KALRN: variants seen among roughly 807,000 people sequenced by gnomAD.
KALRN encodes kalirin.
A neutral mutation model predicts 353.7 loss-of-function variants in KALRN; 70 were observed. The ratio of observed to expected loss-of-function variants is 0.20; its 90% CI spans 0.16 to 0.24. KALRN has a LOEUF of 0.24. Ranked by LOEUF, KALRN falls within the 10% of genes least tolerant of loss-of-function variation. The probability of loss-of-function intolerance (pLI) is 1.00; values close to 1 mark genes in which losing one functional copy is unlikely to be tolerated. For missense variants in KALRN, 2,791 were observed against 3,756.7 expected, an observed-to-expected ratio of 0.74 and a Z score of 6.72; for synonymous variants, 1,391 against 1,434.8, an observed-to-expected ratio of 0.97 and a Z score of 0.69.
At chr3:124,438,546 C>T (rs1468833925) in intron 17 of KALRN, among the ~76,000 whole-genome samples, 3 of 151,966 alleles carry the variant, frequency 2.0e-5, no homozygotes, top group South Asian at 4.1e-4. Flanking sequence ...TCCTGTTCTA[C>T]CTAATTTATA....
At chr3:124,418,772 T>C (rs2092636050) in intron 14 of KALRN, among the ~76,000 whole-genome samples, 1 of 152,194 alleles carries the variant, frequency 6.6e-6, no homozygotes, top group Non-Finnish European at 1.5e-5. Flanking sequence ...CTGCTGAGTG[T>C]AGCAGAAGGA....
At chr3:124,377,195 T>C (rs1374899879) in intron 10 of KALRN, among the ~76,000 whole-genome samples, 1 of 152,194 alleles carries the variant, frequency 6.6e-6, no homozygotes, top group Non-Finnish European at 1.5e-5. Context: ...AAATTAATAA[T>C]ACCTATCTTA....
rs750386686 is a variant in KALRN, at chr3:124,694,423, G to T, written c.7497G>T (p.Lys2499Asn). Residue 2499 changes from lysine to asparagine, a missense_variant, in exon 53 of 60, where the codon AAG becomes AAT. Transcript: ENST00000682506. ...ILQCKVCGRPKPTITWKGPDQ... is the reference protein window; with the variant it reads ...ILQCKVCGRPNPTITWKGPDQ... ...AGTGCAAAGTCTGTGGGCGGCCAAA[G>T]CCCACCATCACTTGGAAGGGTCCAG... The T allele has an allele frequency of 6.2e-7, 1 of 1,614,216 alleles. No individual in the cohort carries two copies. The highest frequency in any genetic ancestry group is 8.5e-7 in the Non-Finnish European group (1 of 1,180,036).
intron 26 of KALRN, among the ~76,000 whole-genome samples, chr3:124,476,303 G>C (rs1385468073): frequency 6.6e-6 from 1 of 150,442 alleles, no homozygotes; most frequent in Non-Finnish European, 1.5e-5. Context: ...AGGTAGCAGA[G>C]CCCTGTGGGA....
chr3:124,059,244 G>GA (rs1434440293), intron 1 of KALRN, among the ~76,000 whole-genome samples: 2 of 151,924 alleles, frequency 1.3e-5, no homozygotes, highest in Non-Finnish European at 2.9e-5. Context: ...GTAGCCATTT[G>GA]AAAAAAATGA....
chr3:124,655,200 A>G (rs916767557), intron 38 of KALRN, among the ~76,000 whole-genome samples: 1 of 152,270 alleles, frequency 6.6e-6, no homozygotes, highest in Non-Finnish European at 1.5e-5. Context: ...ATGAAGGAAG[A>G]AAAGTCTCAT....
At chr3:124,099,687 T>C (rs2061706203) in intron 1 of KALRN, among the ~76,000 whole-genome samples, 1 of 152,224 alleles carries the variant, frequency 6.6e-6, no homozygotes, top group Non-Finnish European at 1.5e-5. Context: ...CAGCAGTGTA[T>C]AAGAGTTCCC....
At chr3:124,386,054 G>A (rs2088248935) in intron 11 of KALRN, among the ~76,000 whole-genome samples, 1 of 152,150 alleles carries the variant, frequency 6.6e-6, no homozygotes, top group African/African-American at 2.4e-5. Flanking sequence ...CTGACACTGA[G>A]GGAATGAATG....
chr3:124,039,042 G>A (rs1057093470), intron 1 of KALRN, among the ~76,000 whole-genome samples: 1 of 152,170 alleles, frequency 6.6e-6, no homozygotes, highest in African/African-American at 2.4e-5. Flanking sequence ...AATTGGACCT[G>A]CAGACACATT....
At chr3:124,123,979 C>G (rs543767699) in intron 1 of KALRN, among the ~76,000 whole-genome samples, 1 of 152,366 alleles carries the variant, frequency 6.6e-6, no homozygotes, top group Non-Finnish European at 1.5e-5. Context: ...ATGTTGCTTT[C>G]ATGCCTGCTA....
intron 11 of KALRN, among the ~76,000 whole-genome samples, chr3:124,387,694 T>C (rs1011178845): frequency 6.6e-6 from 1 of 152,164 alleles, no homozygotes; most frequent in African/African-American, 2.4e-5. Flanking sequence ...TTCTCCTCAG[T>C]CCCAAAATAC....
intron 21 of KALRN, 101 bp downstream of exon 21, chr3:124,446,986 C>A: frequency 4.3e-6 from 6 of 1,392,650 alleles, no homozygotes; most frequent in Non-Finnish European, 5.9e-6. Context: ...AGCAAAAATA[C>A]CTGGCTACAG....
rs1465034897 is a variant in KALRN, at chr3:124,334,557, C to T, written c.1647+62C>T. 1 of 1,215,306 alleles carries T rather than the reference C, an allele frequency of 8.2e-7. No homozygotes were observed. Among genetic ancestry groups the T allele is most frequent in the Non-Finnish European group, 1.2e-6 (1 of 848,242 alleles). The allele number at this position is 1,215,306 out of a possible 1,614,324, so 75.3% of individuals were successfully genotyped here. ...CTAGGAGGCAGACCGAGCTCAAGTC[C>T]CTGACCTAGGTGATCAGGCTTAGGA... On this transcript the variant is annotated intron_variant, in intron 9 of 59. Coordinates refer to ENST00000682506, the MANE Select transcript of KALRN (RefSeq NM_001388419.1). This position sits in a 1 kb window ranked among gnomAD's most constrained non-coding sequence, Gnocchi z 4.2.
At chr3:124,099,065 G>A (rs2061653825) in intron 1 of KALRN, among the ~76,000 whole-genome samples, 2 of 152,122 alleles carry the variant, frequency 1.3e-5, no homozygotes, top group Non-Finnish European at 1.5e-5. Context: ...ATCAATTCAG[G>A]GTACTAAGGC....
intron 3 of KALRN, among the ~76,000 whole-genome samples, chr3:124,258,419 C>A (rs2148830903): frequency 6.6e-6 from 1 of 152,296 alleles, no homozygotes; most frequent in South Asian, 2.1e-4. Flanking sequence ...TTGCAATCCT[C>A]TCCTCCCTTA....
intron 10 of KALRN, among the ~76,000 whole-genome samples, chr3:124,376,612 A>G (rs184181691): frequency 1.3e-5 from 2 of 152,346 alleles, no homozygotes; most frequent in Admixed American, 6.5e-5. Context: ...GTGCTATGTC[A>G]GTACTATATT....
At chr3:124,677,122 C>G (rs150371561) in intron 49 of KALRN, among the ~76,000 whole-genome samples, 2 of 152,302 alleles carry the variant, frequency 1.3e-5, no homozygotes, top group Non-Finnish European at 2.9e-5. Flanking sequence ...TCTCCTCTGC[C>G]TCTCTCCCAT....
intron 13 of KALRN, 44 bp from the exon 14 acceptor site, chr3:124,413,426 G>A (rs757892190): frequency 1.1e-5 from 17 of 1,535,646 alleles, no homozygotes; most frequent in African/African-American, 8.2e-5. Context: ...ACAATCTCTC[G>A]TGGACCTGGT....
intron 33 of KALRN, among the ~76,000 whole-genome samples, chr3:124,522,090 G>A (rs868851116): frequency 3.9e-5 from 6 of 152,112 alleles, no homozygotes; most frequent in African/African-American, 1.4e-4. Flanking sequence ...TTTTTAAATA[G>A]GGTAGTCAGG....
Sources: allele counts gnomAD v4.1 joint callset (sites outside exome capture counted in the v4.1 genomes callset), GRCh38; gene constraint gnomAD v4.1.1; non-coding constraint Gnocchi (gnomAD v3.1); transcripts MANE v1.5; gene names NCBI Gene and HGNC (gene_info 2026-07-23, HGNC 2026-07-21).